Variants in NDUFV1 observed in about 807,000 individuals in gnomAD.
NDUFV1 encodes NADH:ubiquinone oxidoreductase core subunit V1.
NDUFV1 carries 41 observed loss-of-function variants against 48.7 expected under a neutral mutation model. The observed-to-expected ratio is 0.84, with a 90% CI of 0.66 to 1.09. The LOEUF (loss-of-function observed/expected upper bound fraction) is 1.09. Among genes scored for constraint, NDUFV1 ranks in the 50% least tolerant of loss-of-function variants. NDUFV1 has a pLI of 0.00. For synonymous variants in NDUFV1, 231 were observed against 259.1 expected, an observed-to-expected ratio of 0.89 and a Z score of 1.04; for missense variants, 580 against 645.4, an observed-to-expected ratio of 0.90 and a Z score of 1.10.
intron 1 of NDUFV1, chr11:67,608,083 C>A: frequency 2.4e-6 from 1 of 420,122 alleles, no homozygotes; most frequent in Non-Finnish European, 4.4e-6. Flanking sequence ...AAAAATTACC[C>A]GGGCGTGGTG....
intron 3 of NDUFV1, among the ~76,000 whole-genome samples, chr11:67,609,037 A>G (rs901946938): frequency 6.6e-6 from 1 of 152,186 alleles, no homozygotes; most frequent in Non-Finnish European, 1.5e-5. Flanking sequence ...CAGTGATATC[A>G]TGCAAGGATT....
At chr11:67,610,006 C>T in intron 4 of NDUFV1, 1 of 352,532 alleles carries the variant, frequency 2.8e-6, no homozygotes, top group Non-Finnish European at 5.2e-6. Context: ...ATGAATAATA[C>T]TTATATCTGT....
chr11:67,612,222 A>G lies in NDUFV1; in HGVS notation c.1265A>G (p.His422Arg). The change falls in exon 9 of 10, where the codon CAT (histidine) becomes CGT (arginine). Residue 422 changes from histidine to arginine, a missense_variant. Physicochemically the swap from His to Arg is conservative, Grantham distance 29. Coordinates refer to ENST00000322776, the MANE Select transcript of NDUFV1 (RefSeq NM_007103.4). This position sits in a 1 kb window ranked among gnomAD's most constrained non-coding sequence, Gnocchi z 4.4. ...GAGATCAGCAAGCAGATAGAAGGCCATACGATTTGTGCTCTGGGTGACGGG... is the reference window on the plus strand; with the variant it reads ...GAGATCAGCAAGCAGATAGAAGGCCGTACGATTTGTGCTCTGGGTGACGGG... ...LWEISKQIEG[H>R]TICALGDGAA... 3 of 1,613,774 alleles carry G rather than the reference A, an allele frequency of 1.9e-6. No individual in the cohort carries two copies. The highest frequency in any genetic ancestry group is 1.3e-5 in the African/African-American group (1 of 74,948).
chr11:67,610,296 C>A, intron 4 of NDUFV1, 85 bp from the exon 5 acceptor site: 7 of 1,500,392 alleles, frequency 4.7e-6, no homozygotes, highest in South Asian at 1.1e-5. Context: ...CCGTGGGAGG[C>A]CTTCAAGGGC....
Position 67,611,815 on chromosome 11 carries a change from G to C in NDUFV1, c.1081-82G>C, listed in dbSNP as rs190816978. The C allele has an allele frequency of 3.7e-5, 57 of 1,549,892 alleles. No homozygotes were observed. The Middle Eastern group carries it at 6.9e-4, about 19-fold the overall frequency. On this transcript the variant is annotated intron_variant, in intron 7 of 9. Coordinates refer to ENST00000322776, the MANE Select transcript of NDUFV1 (RefSeq NM_007103.4). The surrounding 1 kb of genome is among the most constrained non-coding windows in gnomAD (Gnocchi z 4.2). ...TGGGCTGGGAAGAGCTTCTGGAACT[G>C]GGGGAGGGGCTGCTGCTAGGGGGCT...
chr11:67,606,958 A>G lies in NDUFV1; in HGVS notation c.-47A>G, dbSNP rs903252022. ...TCTATCGCGCCAGTTCCTCAGCCTC[A>G]GTGCTATGAAGGTGACAGCGTGAGG... On this transcript the variant is annotated 5_prime_UTR_variant, in exon 1 of 10. Transcript: ENST00000322776. The G allele has an allele frequency of 1.6e-5, 25 of 1,586,680 alleles. No individual in the cohort carries two copies. Among genetic ancestry groups the G allele is most frequent in the Non-Finnish European group, 2.1e-5 (25 of 1,165,582 alleles).
rs945953511 is a variant in NDUFV1 at position 67,611,832 on chromosome 11, TA to T, written c.1081-64del. The T allele has an allele frequency of 4.0e-5, 63 of 1,583,268 alleles. No individual in the cohort carries two copies. The highest frequency in any genetic ancestry group is 5.0e-5 in the Admixed American group (3 of 59,858). On this transcript the variant is annotated intron_variant, in intron 7 of 9. Coordinates refer to ENST00000322776, the MANE Select transcript of NDUFV1 (RefSeq NM_007103.4). This position sits in a 1 kb window ranked among gnomAD's most constrained non-coding sequence, Gnocchi z 4.2. ...CTGGAACTGGGGGAGGGGCTGCTGCTAGGGGGCTGAGGCCCAGGCTTCTGTC... is the reference window on the plus strand; with the variant it reads ...CTGGAACTGGGGGAGGGGCTGCTGCTGGGGGCTGAGGCCCAGGCTTCTGTC...
In NDUFV1 at chr11:67,612,306, A is replaced by C. The variant is rs373809054; in HGVS notation, c.1308+41A>C. ...CTGCGTAGCACGGAGGGTGGGTGGC[A>C]TCAAGGGCCCAGGGTGTTGGGGGAT... On this transcript the variant is annotated intron_variant, in intron 9 of 9. Coordinates refer to ENST00000322776, the MANE Select transcript of NDUFV1 (RefSeq NM_007103.4). This position sits in a 1 kb window ranked among gnomAD's most constrained non-coding sequence, Gnocchi z 4.4. 3.7e-6 allele frequency: 6 copies of C among 1,613,816 alleles called. No individual in the cohort carries two copies. The African/African-American group carries it at 5.3e-5, about 14-fold the overall frequency.
chr11:67,609,725 A>G, intron 4 of NDUFV1, 90 bp downstream of exon 4: 1 of 1,452,292 alleles, frequency 6.9e-7, no homozygotes, highest in South Asian at 1.1e-5. Flanking sequence ...AGGTGTTAGT[A>G]CCTGGTCTGT....
Position 67,612,238 on chromosome 11 carries a change from G to A in NDUFV1, c.1281G>A (p.Leu427=), listed in dbSNP as rs760302174. The part of the protein sequence containing the change: ...KQIEGHTICA[L]GDGAAWPVQG... ...TAGAAGGCCATACGATTTGTGCTCT[G>A]GGTGACGGGGCCGCCTGGCCTGTGC... Residue 427 remains leucine, a synonymous_variant, in exon 9 of 10, where the codon CTG becomes CTA. Coordinates refer to ENST00000322776, the MANE Select transcript of NDUFV1 (RefSeq NM_007103.4). The surrounding 1 kb of genome is among the most constrained non-coding windows in gnomAD (Gnocchi z 4.4). 1 of 1,613,886 alleles carries A rather than the reference G, an allele frequency of 6.2e-7. No homozygotes were observed. The highest frequency in any genetic ancestry group is 1.7e-5 in the Admixed American group (1 of 60,010).
chr11:67,608,573 A>C lies in NDUFV1; in HGVS notation c.177A>C (p.Arg59=). 6 of 1,614,176 alleles carry C rather than the reference A, an allele frequency of 3.7e-6. No homozygotes were observed. The highest frequency in any genetic ancestry group is 1.3e-5 in the African/African-American group (1 of 75,044). ...HDWRLKGSLS[R]GDWYKTKEIL... is the part of the protein sequence containing the mutation. The stretch of plus-strand genomic sequence containing the variant: ...CCAGGCTGAAAGGTTCCCTGAGTCG[A>C]GGTGACTGGTACAAGACAAAGGAGA... The change falls in exon 3 of 10, where the codon CGA becomes CGC. Residue 59 remains arginine (R), a synonymous_variant. Transcript: ENST00000322776.
chr11:67,612,049 C>T lies in NDUFV1; in HGVS notation c.1162+71C>T, dbSNP rs552734949. 23 of 1,613,488 alleles carry T rather than the reference C, an allele frequency of 1.4e-5. No individual in the cohort carries two copies. The African/African-American group carries it at 2.5e-4, about 18-fold the overall frequency. ...AACCTCCTCCCCACCACGTGGCCTG[C>T]AGCCCTCAAGCGCCGCCCCACATCC... On this transcript the variant is annotated intron_variant, in intron 8 of 9. Coordinates refer to ENST00000322776, the MANE Select transcript of NDUFV1 (RefSeq NM_007103.4). This position sits in a 1 kb window ranked among gnomAD's most constrained non-coding sequence, Gnocchi z 4.4.
rs1854937105 is a variant in NDUFV1, at chr11:67,612,344, T to A, written c.1309-28T>A. 6.2e-7 allele frequency: 1 copy of A among 1,613,748 alleles called. No individual in the cohort carries two copies. The highest frequency in any genetic ancestry group is 2.2e-5 in the East Asian group (1 of 44,834). Reference sequence around the variant, plus strand: ...GGTGTTGGGGGATTTTTGGACTCTGTTTCACATGGTCCCCCCACCGACCCC... The same window carrying A: ...GGTGTTGGGGGATTTTTGGACTCTGATTCACATGGTCCCCCCACCGACCCC... On this transcript the variant is annotated intron_variant, in intron 9 of 9. Transcript: ENST00000322776. This position sits in a 1 kb window ranked among gnomAD's most constrained non-coding sequence, Gnocchi z 4.4.
chr11:67,610,918 C>T (rs1253903851), intron 5 of NDUFV1, 77 bp from the exon 6 acceptor site: 1 of 1,413,140 alleles, frequency 7.1e-7, no homozygotes, highest in East Asian at 2.3e-5. Flanking sequence ...GGGTGCAGGA[C>T]CCTGGGACAC....
At chr11:67,608,309 A>AGTCTCC in intron 1 of NDUFV1, 87 bp from the exon 2 acceptor site, 1 of 1,301,310 alleles carries the variant, frequency 7.7e-7, no homozygotes, top group South Asian at 1.2e-5. Flanking sequence ...CCCCTCCTAA[A>AGTCTCC]TAGGGAGACC....
In NDUFV1 at chr11:67,611,473, C is replaced by T; in HGVS notation, c.984C>T (p.Pro328=). The change falls in exon 7 of 10, where the codon CCC becomes CCT. Residue 328 remains proline, a synonymous_variant. Transcript: ENST00000322776. The surrounding 1 kb of genome is among the most constrained non-coding windows in gnomAD (Gnocchi z 4.2). The part of the protein sequence containing the change: ...IPGGSSTPLI[P]KSVCETVLMD... The stretch of plus-strand genomic sequence containing the variant: ...GCGGCTCGTCTACCCCACTGATCCC[C>T]AAGTCTGTGTGTGAGACGGTGCTGA... 4 of 1,614,120 alleles carry T rather than the reference C, an allele frequency of 2.5e-6. No homozygotes were observed. Among genetic ancestry groups the T allele is most frequent in the Non-Finnish European group, 8.5e-7 (1 of 1,180,000 alleles).
Position 67,612,452 on chromosome 11 carries a change from C to T in NDUFV1, c.1389C>T (p.Ala463=). The change falls in exon 10 of 10, where the codon GCC becomes GCT. Residue 463 remains alanine, a synonymous_variant. Transcript: ENST00000322776. This position sits in a 1 kb window ranked among gnomAD's most constrained non-coding sequence, Gnocchi z 4.4. ...FAQQHQARQA[A]S ...AGCAGCATCAGGCCCGGCAGGCTGC[C>T]TCTTAGCCCACCACCCTGGCCTGCT... is the stretch of plus-strand genomic sequence containing the variant. The T allele has an allele frequency of 1.2e-6, 2 of 1,611,692 alleles. No individual in the cohort carries two copies.
chr11:67,610,708 C>T, intron 5 of NDUFV1, 138 bp downstream of exon 5: 1 of 1,240,294 alleles, frequency 8.1e-7, no homozygotes. Flanking sequence ...GGCAACAACA[C>T]ACAGGCTCCC....
intron 1 of NDUFV1, chr11:67,607,649 GT>G (rs1458200729): frequency 5.6e-6 from 2 of 358,092 alleles, no homozygotes; most frequent in Non-Finnish European, 1.1e-5. Flanking sequence ...GCCTACCCAA[GT>G]TTTGGTCCAG....
Sources: gnomAD v4.1 joint callset for allele counts (sites outside exome capture counted in the v4.1 genomes callset) on GRCh38, gnomAD v4.1.1 for gene constraint, Gnocchi (gnomAD v3.1) non-coding constraint, MANE v1.5 for transcripts, NCBI Gene and HGNC (gene_info 2026-07-23, HGNC 2026-07-21) for gene names.